Variants in ZSCAN25 observed in about 807,000 individuals in gnomAD.
The protein encoded by ZSCAN25 is zinc finger and SCAN domain containing 25, also known as zinc finger and SCAN domain-containing protein 25.
A neutral mutation model predicts 38.7 loss-of-function variants in ZSCAN25; 27 were observed. That is an observed-to-expected ratio of 0.70 (90% CI 0.51 to 0.96). The LOEUF is 0.96. Ranked by LOEUF, ZSCAN25 falls within the 40% of genes least tolerant of loss-of-function variation. The pLI is 0.00. For missense variants in ZSCAN25, 637 were observed against 705.9 expected (o/e 0.90, Z 1.11); for synonymous variants, 273 against 277.7 (o/e 0.98, Z 0.17).
At chr7:99,688,171 A>G in the ZSCAN25 span, among the ~76,000 whole-genome samples, 1 of 152,238 alleles carries the variant, frequency 6.6e-6, no homozygotes, top group Non-Finnish European at 1.5e-5. Context: ...ACACATAACA[A>G]TATTAACCTT....
Position 99,629,967 on chromosome 7 carries a change from A to C in ZSCAN25, c.1582A>C (p.Ile528Leu). The change falls in exon 8 of 8, where the codon ATC (isoleucine) becomes CTC (leucine). Residue 528 changes from isoleucine (I) to leucine (L), a missense_variant. Physicochemically the swap from Ile to Leu is conservative, Grantham distance 5. Transcript: ENST00000394152. This position sits in a 1 kb window ranked among gnomAD's most constrained non-coding sequence, Gnocchi z 5.6. ...ACGRSFNQRSILNRHQKTQHR... is the reference protein window; with the variant it reads ...ACGRSFNQRSLLNRHQKTQHR... ...CGGGCGAAGCTTCAACCAGAGGTCCATCCTCAACCGGCACCAGAAGACCCA... is the reference window on the plus strand; with the variant it reads ...CGGGCGAAGCTTCAACCAGAGGTCCCTCCTCAACCGGCACCAGAAGACCCA... 6.2e-7 allele frequency: 1 copy of C among 1,607,908 alleles called. No homozygotes were observed. Among genetic ancestry groups the C allele is most frequent in the Non-Finnish European group, 8.5e-7 (1 of 1,176,776 alleles).
the ZSCAN25 span, among the ~76,000 whole-genome samples, chr7:99,696,946 A>G: frequency 6.6e-6 from 1 of 152,132 alleles, no homozygotes; most frequent in Admixed American, 6.5e-5. Flanking sequence ...GCCATGTAAT[A>G]TCTGCCTACT....
At chr7:99,657,317 T>A in the ZSCAN25 span, among the ~76,000 whole-genome samples, 4 of 152,234 alleles carry the variant, frequency 2.6e-5, no homozygotes, top group East Asian at 7.7e-4. Context: ...AACATCTTTA[T>A]TTCTGCCTTC....
chr7:99,702,031 T>C, the ZSCAN25 span, among the ~76,000 whole-genome samples: 3 of 152,146 alleles, frequency 2.0e-5, no homozygotes, highest in African/African-American at 7.2e-5. Context: ...ACCAATGTCC[T>C]GAAGAGTTTC....
chr7:99,647,707 C>A, the ZSCAN25 span: 16 of 985,220 alleles, frequency 1.6e-5, no homozygotes, highest in Non-Finnish European at 1.9e-5. Context: ...TTAACTCTCA[C>A]CTATGTTAAT....
At chr7:99,676,973 C>T in the ZSCAN25 span, among the ~76,000 whole-genome samples, 1 of 152,144 alleles carries the variant, frequency 6.6e-6, no homozygotes, top group African/African-American at 2.4e-5. Context: ...TGCAGAAGAA[C>T]CAGCAACTAA....
At chr7:99,720,758 T>C in the ZSCAN25 span, 2 of 241,496 alleles carry the variant, frequency 8.3e-6, no homozygotes, top group Non-Finnish European at 1.7e-5. Context: ...CAATGTTTCA[T>C]AGGTTTAAAA....
chr7:99,735,099 C>G, the ZSCAN25 span: 1 of 1,613,874 alleles, frequency 6.2e-7, no homozygotes, highest in Non-Finnish European at 8.5e-7. Flanking sequence ...TCCATCACTA[C>G]TTTCCTTCCT....
the ZSCAN25 span, among the ~76,000 whole-genome samples, chr7:99,668,010 G>A: frequency 3.3e-5 from 5 of 152,142 alleles, no homozygotes. Context: ...CTATTTTCAG[G>A]TGACATAATT....
chr7:99,643,356 G>A, the ZSCAN25 span, among the ~76,000 whole-genome samples: 3 of 152,084 alleles, frequency 2.0e-5, no homozygotes, highest in South Asian at 2.1e-4. Context: ...CTGTGAGCCG[G>A]AAAGTCTCCT....
the ZSCAN25 span, chr7:99,652,840 C>A: frequency 7.9e-7 from 1 of 1,262,604 alleles, no homozygotes; most frequent in South Asian, 1.3e-5. Flanking sequence ...CAACTGAGTC[C>A]ATGCAGTACT....
the ZSCAN25 span, chr7:99,704,906 G>A: frequency 6.6e-6 from 1 of 152,580 alleles, no homozygotes; most frequent in African/African-American, 2.4e-5. Context: ...AGCTCGCAGT[G>A]AGCCAAGATT....
the ZSCAN25 span, chr7:99,717,054 A>G: frequency 2.5e-6 from 3 of 1,186,260 alleles, no homozygotes; most frequent in Non-Finnish European, 3.7e-6. Context: ...TTGAAGTTGC[A>G]TTACCACAGC....
the ZSCAN25 span, chr7:99,708,980 A>G: frequency 1.3e-6 from 2 of 1,592,766 alleles, no homozygotes; most frequent in Non-Finnish European, 1.7e-6. Context: ...AGAGAGGCAG[A>G]ATATGCTTGA....
In ZSCAN25 at chr7:99,619,664, G is replaced by C. The variant is rs749628537; in HGVS notation, c.58G>C (p.Val20Leu). 1.2e-6 allele frequency: 2 copies of C among 1,614,282 alleles called. No individual in the cohort carries two copies. Among genetic ancestry groups the C allele is most frequent in the Non-Finnish European group, 1.7e-6 (2 of 1,180,052 alleles). Reference sequence around the variant, plus strand: ...TCCTCAGCAGCAGTTGGGTATTCCTGTGGTGAAACTGGAGAAAGAGTTGCC... The same window carrying C: ...TCCTCAGCAGCAGTTGGGTATTCCTCTGGTGAAACTGGAGAAAGAGTTGCC... Reference protein sequence around the residue: ...EAPQQQLGIPVVKLEKELPWG... With the variant: ...EAPQQQLGIPLVKLEKELPWG... The change falls in exon 4 of 8, where the codon GTG becomes CTG. Residue 20 changes from valine to leucine, a missense_variant. Val to Leu is a conservative substitution (Grantham distance 32). Transcript: ENST00000394152.
the ZSCAN25 span, chr7:99,674,547 A>T: frequency 6.2e-7 from 1 of 1,613,624 alleles, no homozygotes; most frequent in Non-Finnish European, 8.5e-7. Flanking sequence ...ACATTTTTCC[A>T]TACTTTTTAT....
the ZSCAN25 span, among the ~76,000 whole-genome samples, chr7:99,727,679 T>C: frequency 6.6e-6 from 1 of 152,186 alleles, no homozygotes; most frequent in Non-Finnish European, 1.5e-5. Flanking sequence ...CAGGCTGTGC[T>C]ATATTATCTT....
intron 4 of ZSCAN25, chr7:99,620,270 A>C (rs1430802135): frequency 2.2e-6 from 1 of 449,186 alleles, no homozygotes; most frequent in Non-Finnish European, 3.9e-6. Context: ...GGCAAAAAGA[A>C]GGCAGTTGTG....
chr7:99,663,377 T>A, the ZSCAN25 span: 1 of 991,610 alleles, frequency 1.0e-6, no homozygotes, highest in Non-Finnish European at 1.2e-6. Flanking sequence ...CTGGGTTACC[T>A]GGTCCTGTCT....
Sources: allele counts gnomAD v4.1 joint callset (sites outside exome capture counted in the v4.1 genomes callset), GRCh38; gene constraint gnomAD v4.1.1; non-coding constraint Gnocchi (gnomAD v3.1); transcripts MANE v1.5; gene names NCBI Gene and HGNC (gene_info 2026-07-23, HGNC 2026-07-21).